Variants in TLL2 observed in about 807,000 individuals in gnomAD.
TLL2 encodes the protein tolloid like 2, also known as tolloid-like protein 2.
A neutral mutation model predicts 123.0 loss-of-function variants in TLL2; 106 were observed. The observed-to-expected ratio is 0.86, with a 90% confidence interval of 0.74 to 1.01. The LOEUF (loss-of-function observed/expected upper bound fraction) is 1.01, where lower values mean the gene tolerates loss of function less well. Among genes scored for constraint, TLL2 ranks in the 50% least tolerant of loss-of-function variants. The pLI, the probability that TLL2 is intolerant of heterozygous loss-of-function variation, is 0.00. For synonymous variants in TLL2, 494 were observed against 516.8 expected, an observed-to-expected ratio of 0.96 and a Z score of 0.60; for missense variants, 1,332 against 1,336.7, an observed-to-expected ratio of 1.00 and a Z score of 0.06.
rs899873265 is a variant in TLL2, at chr10:96,365,923, A to G, written c.*2165T>C. ...TTGAAAATGTTCATACTAAAGAGAT[A>G]AAAAGAAGTATCATTGTTTCACCGT... On this transcript the variant is annotated 3_prime_UTR_variant, in exon 21 of 21. Coordinates refer to ENST00000357947, the MANE Select transcript of TLL2 (RefSeq NM_012465.4). 8 of 152,246 alleles carry G rather than the reference A, an allele frequency of 5.3e-5. No homozygotes were observed. The highest frequency in any genetic ancestry group is 1.4e-4 in the African/African-American group (6 of 41,470). The allele number at this position is 152,246 out of a possible 1,614,324, so 9.4% of individuals were successfully genotyped here.
At chr10:96,464,001 G>C (rs2134095860) in intron 2 of TLL2, among the ~76,000 whole-genome samples, 1 of 152,306 alleles carries the variant, frequency 6.6e-6, no homozygotes, top group East Asian at 1.9e-4. Flanking sequence ...CTCTCTCACG[G>C]CACTGGAGGA....
In TLL2 at chr10:96,507,241, C is replaced by T. The variant is rs11188806; in HGVS notation, c.175+6270G>A. Reference sequence around the variant, plus strand: ...GCTTGGCTGAGCTGAATTCTCAGCTCGAGCAGCTGTGCCAGCCAGCCAACT... The same window carrying T: ...GCTTGGCTGAGCTGAATTCTCAGCTTGAGCAGCTGTGCCAGCCAGCCAACT... On this transcript the variant is annotated intron_variant, in intron 1 of 20. Transcript: ENST00000357947. Among the ~76,000 whole-genome samples the T allele has an allele frequency of 1.0e-2, 1,519 of 152,100 alleles. 39 individuals carry two copies. Among genetic ancestry groups the T allele is most frequent in the South Asian group, 0.078 (373 of 4,806 alleles).
intron 2 of TLL2, among the ~76,000 whole-genome samples, chr10:96,477,288 C>G (rs1352728643): frequency 6.6e-6 from 1 of 151,856 alleles, no homozygotes; most frequent in East Asian, 1.9e-4. Flanking sequence ...ATTCCTAAGG[C>G]CCCACATTCC....
At chr10:96,484,299 G>A (rs1052266347) in intron 1 of TLL2, among the ~76,000 whole-genome samples, 5 of 152,188 alleles carry the variant, frequency 3.3e-5, no homozygotes, top group African/African-American at 1.2e-4. Context: ...CTATCAGGCT[G>A]AGACATAGAG....
chr10:96,478,663 A>G (rs761385552), intron 2 of TLL2, among the ~76,000 whole-genome samples: 2 of 152,232 alleles, frequency 1.3e-5, no homozygotes, highest in Non-Finnish European at 2.9e-5. Flanking sequence ...AAAGAGCAAC[A>G]CGGCAATGTG....
chr10:96,414,217 G>C (rs376612073), intron 7 of TLL2, among the ~76,000 whole-genome samples: 1 of 152,162 alleles, frequency 6.6e-6, no homozygotes, highest in East Asian at 1.9e-4. Context: ...TCTCCTGGAT[G>C]TTAGGCCTCT....
chr10:96,375,148 TAG>T (rs1448144649), intron 18 of TLL2, among the ~76,000 whole-genome samples: 2 of 151,746 alleles, frequency 1.3e-5, no homozygotes, highest in Non-Finnish European at 2.9e-5. Context: ...AGGTGGTGGG[TAG>T]AGACACGGGA....
chr10:96,387,467 A>G (rs1030636219), intron 13 of TLL2, among the ~76,000 whole-genome samples: 2 of 152,220 alleles, frequency 1.3e-5, no homozygotes, highest in African/African-American at 4.8e-5. Context: ...TAAATATGCA[A>G]CTTCTCAGAG....
intron 3 of TLL2, among the ~76,000 whole-genome samples, chr10:96,438,730 T>C (rs1846821699): frequency 6.6e-6 from 1 of 152,262 alleles, no homozygotes; most frequent in African/African-American, 2.4e-5. Flanking sequence ...CTTGCCTTGT[T>C]CTTGGTCTTG....
intron 18 of TLL2, among the ~76,000 whole-genome samples, chr10:96,374,899 G>A (rs1172780102): frequency 2.0e-5 from 3 of 150,674 alleles, no homozygotes; most frequent in Non-Finnish European, 4.4e-5. Flanking sequence ...TAAGGTGAGC[G>A]GGGACGGTGT....
intron 2 of TLL2, among the ~76,000 whole-genome samples, chr10:96,472,598 C>CA (rs986559974): frequency 1.3e-5 from 2 of 151,798 alleles, no homozygotes; most frequent in African/African-American, 2.4e-5. Flanking sequence ...CTCGTCTCCA[C>CA]AAAAAATACA....
chr10:96,484,188 T>C (rs1484313268), intron 1 of TLL2, among the ~76,000 whole-genome samples: 1 of 152,070 alleles, frequency 6.6e-6, no homozygotes, highest in Non-Finnish European at 1.5e-5. Flanking sequence ...GGAAGTGACA[T>C]GTGTCACTTC....
intron 7 of TLL2, among the ~76,000 whole-genome samples, chr10:96,419,018 G>C (rs1846593857): frequency 1.3e-5 from 2 of 151,998 alleles, no homozygotes; most frequent in Admixed American, 1.3e-4. Flanking sequence ...CCTGGATGAT[G>C]GGGTGGGCCT....
chr10:96,388,942 C>G (rs1251662491), intron 13 of TLL2, among the ~76,000 whole-genome samples: 2 of 152,202 alleles, frequency 1.3e-5, no homozygotes, highest in Non-Finnish European at 2.9e-5. Flanking sequence ...TTTAGAGAGA[C>G]AATCCAGGCA....
intron 19 of TLL2, among the ~76,000 whole-genome samples, chr10:96,370,625 G>A (rs946972498): frequency 6.6e-6 from 1 of 152,200 alleles, no homozygotes. Context: ...GCCAATGGAC[G>A]GTTCGCCTCA....
intron 2 of TLL2, among the ~76,000 whole-genome samples, chr10:96,468,945 C>A (rs946909676): frequency 6.6e-6 from 1 of 152,248 alleles, no homozygotes; most frequent in Admixed American, 6.5e-5. Flanking sequence ...ATGATCAACT[C>A]CTTATGCTGC....
intron 19 of TLL2, 138 bp from the exon 20 acceptor site, chr10:96,370,453 G>A (rs1324227159): frequency 1.8e-5 from 23 of 1,262,036 alleles, no homozygotes; most frequent in Non-Finnish European, 2.4e-5. Flanking sequence ...CCCATTTGAT[G>A]GAGGAGTACA....
intron 2 of TLL2, among the ~76,000 whole-genome samples, chr10:96,476,562 T>C (rs1291835285): frequency 6.6e-6 from 1 of 151,668 alleles, no homozygotes; most frequent in African/African-American, 2.4e-5. Flanking sequence ...GCACCTGGCC[T>C]GTGATTTTTA....
chr10:96,468,476 G>C (rs895666128), intron 2 of TLL2, among the ~76,000 whole-genome samples: 2 of 152,134 alleles, frequency 1.3e-5, no homozygotes, highest in Non-Finnish European at 2.9e-5. Context: ...TCCTAGTCCA[G>C]TCCCCAAGAG....
Sources: allele counts gnomAD v4.1 joint callset (sites outside exome capture counted in the v4.1 genomes callset), GRCh38; gene constraint gnomAD v4.1.1; transcripts MANE v1.5; gene names NCBI Gene and HGNC (gene_info 2026-07-23, HGNC 2026-07-21).